Variants in EBF3 observed in about 807,000 individuals in gnomAD.
EBF3 encodes transcription factor COE3.
A neutral mutation model predicts 77.1 loss-of-function variants in EBF3; 18 were observed. The ratio of observed to expected loss-of-function variants is 0.23; its 90% CI spans 0.16 to 0.35. EBF3 has a LOEUF of 0.35. Ranked by LOEUF, EBF3 falls within the 10% of genes least tolerant of loss-of-function variation. The pLI is 1.00. For missense variants in EBF3, 558 were observed against 860.0 expected (o/e 0.65, Z 4.39); for synonymous variants, 350 against 343.5 (o/e 1.02, Z -0.21).
At position 129,848,227 on chromosome 10, in the gene EBF3, T is replaced by A. The variant is rs2133980610; in HGVS notation, c.1128+165A>T. On this transcript the variant is annotated intron_variant, in intron 11 of 16. Transcript: ENST00000440978. The surrounding 1 kb of genome is among the most constrained non-coding windows in gnomAD (Gnocchi z 4.4). ...ACCCTTCGCCCACCTCTGAAGCTGG[T>A]CAGGTGCGGGCCCGGGCAGCTCCTC... Among the ~76,000 whole-genome samples, 1 of 152,308 alleles carries A rather than the reference T, an allele frequency of 6.6e-6. No individual in the cohort carries two copies. Among genetic ancestry groups the A allele is most frequent in the Admixed American group, 6.5e-5 (1 of 15,296 alleles).
At chr10:129,843,394 T>C in intron 11 of EBF3, 192 bp from the exon 12 acceptor site, 1 of 541,044 alleles carries the variant, frequency 1.8e-6, no homozygotes, top group Non-Finnish European at 3.3e-6. Context: ...GTTTGTGGCC[T>C]TTACAAGGAG....
intron 6 of EBF3, among the ~76,000 whole-genome samples, chr10:129,896,277 A>C (rs1191659386): frequency 6.6e-6 from 1 of 152,248 alleles, no homozygotes; most frequent in East Asian, 1.9e-4. Context: ...AGGTGGCCTC[A>C]GTGGTCATAG....
intron 6 of EBF3, among the ~76,000 whole-genome samples, chr10:129,939,504 GGTTTTT>G (rs1857583364): frequency 6.6e-6 from 1 of 152,182 alleles, no homozygotes; most frequent in Admixed American, 6.5e-5. Context: ...AAAGACTTGG[GGTTTTT>G]GTTTTTGTTT....
intron 6 of EBF3, among the ~76,000 whole-genome samples, chr10:129,936,099 T>C (rs562370425): frequency 1.3e-5 from 2 of 152,310 alleles, no homozygotes; most frequent in South Asian, 2.1e-4. Flanking sequence ...AATTATTAAA[T>C]TATAGAATTA....
chr10:129,964,221 G>A lies in EBF3; in HGVS notation c.-453C>T. 1 of 984,894 alleles carries A rather than the reference G, an allele frequency of 1.0e-6. No individual in the cohort carries two copies. The highest frequency in any genetic ancestry group is 4.7e-5 in the South Asian group (1 of 21,292). 61.0% of individuals were successfully genotyped at this position (984,894 alleles called of 1,614,324 possible). A position where few individuals can be genotyped will look rare whatever the true frequency, so the allele number is the denominator to read the frequency against. On this transcript the variant is annotated 5_prime_UTR_variant, in exon 1 of 17. Coordinates refer to ENST00000440978, the MANE Select transcript of EBF3 (RefSeq NM_001375380.1). This position sits in a 1 kb window ranked among gnomAD's most constrained non-coding sequence, Gnocchi z 4.5. ...GGCGGGGCGCGGCGGGGCCTGGAGCGGCGCGCGCAGCGGACGGAGGCGCAC... is the reference window on the plus strand; with the variant it reads ...GGCGGGGCGCGGCGGGGCCTGGAGCAGCGCGCGCAGCGGACGGAGGCGCAC...
rs891916524 is a variant in EBF3, at chr10:129,964,032, CTTG to C, written c.-267_-265del. Reference sequence around the variant, plus strand: ...GCAGGACGCGGTGGCCGCGGCGGCGCTTGTTGTTGTTGTTGTTTGCAGGCGCGC... The same window carrying C: ...GCAGGACGCGGTGGCCGCGGCGGCGCTTGTTGTTGTTGTTTGCAGGCGCGC... On this transcript the variant is annotated 5_prime_UTR_variant, in exon 1 of 17. Transcript: ENST00000440978. The surrounding 1 kb of genome is among the most constrained non-coding windows in gnomAD (Gnocchi z 4.5). 5.7e-5 allele frequency: 56 copies of C among 984,768 alleles called. No individual in the cohort carries two copies. The highest frequency in any genetic ancestry group is 2.1e-4 in the African/African-American group (12 of 57,200). The allele number at this position is 984,768 out of a possible 1,614,324, so 61.0% of individuals were successfully genotyped here.
rs75074888 is a variant in EBF3, at chr10:129,963,429, T to G, written c.229A>C (p.Arg77=). The change falls in exon 2 of 17, where the codon AGG becomes CGG. Residue 77 remains arginine (R), a synonymous_variant. Coordinates refer to ENST00000440978, the MANE Select transcript of EBF3 (RefSeq NM_001375380.1). This position sits in a 1 kb window ranked among gnomAD's most constrained non-coding sequence, Gnocchi z 7.1. The part of the protein sequence containing the change: ...FFHFVLALYD[R]QGQPVEIERT... ...TCAATCTCCACCGGCTGCCCCTGCC[T>G]ATCGTAGAGCGCCAGCACGAAGTGG... 0.036 allele frequency: 57,776 copies of G among 1,591,578 alleles called. 2,494 individuals carry two copies. The highest frequency in any genetic ancestry group is 0.14 in the South Asian group (12,788 of 88,510).
chr10:129,904,471 T>C (rs140650761), intron 6 of EBF3, among the ~76,000 whole-genome samples: 131 of 151,718 alleles, frequency 8.6e-4, no homozygotes, highest in Middle Eastern at 3.4e-3. Flanking sequence ...GACAGACAAA[T>C]GGAAGATAGA....
intron 6 of EBF3, among the ~76,000 whole-genome samples, chr10:129,915,584 T>C (rs961896231): frequency 1.2e-4 from 19 of 152,096 alleles, no homozygotes; most frequent in African/African-American, 4.3e-4. Context: ...AAGTTTGTTG[T>C]AACGAGCGAC....
chr10:129,945,080 GGAAGA>G (rs1858080692), intron 6 of EBF3, among the ~76,000 whole-genome samples: 8 of 60,854 alleles, frequency 1.3e-4, no homozygotes, highest in Non-Finnish European at 2.3e-4. Flanking sequence ...GGAGGGGAGG[GGAAGA>G]GAGGAGAAGG....
chr10:129,839,461 A>G (rs1849848271), intron 15 of EBF3, among the ~76,000 whole-genome samples: 1 of 152,244 alleles, frequency 6.6e-6, no homozygotes, highest in Non-Finnish European at 1.5e-5. Context: ...CAGATGGGCC[A>G]GGCGCTGGGC....
chr10:129,844,858 A>G (rs1850343591), intron 11 of EBF3, among the ~76,000 whole-genome samples: 1 of 152,228 alleles, frequency 6.6e-6, no homozygotes, highest in Non-Finnish European at 1.5e-5. Flanking sequence ...GCTCTCTGTG[A>G]GCAAGATAAA....
chr10:129,930,656 C>T (rs1162803981), intron 6 of EBF3, among the ~76,000 whole-genome samples: 1 of 149,072 alleles, frequency 6.7e-6, no homozygotes, highest in Non-Finnish European at 1.5e-5. Flanking sequence ...ATCCCCCTCT[C>T]ATATATCTAT....
At chr10:129,843,500 G>A (rs1038880968) in intron 11 of EBF3, 2 of 347,662 alleles carry the variant, frequency 5.8e-6, no homozygotes, top group East Asian at 4.6e-5. Context: ...AGCCCAATCC[G>A]TGCCTGAGGT....
chr10:129,885,458 C>T lies in EBF3; in HGVS notation c.555-7609G>A, dbSNP rs1008958650. 1.8e-4 allele frequency among the ~76,000 whole-genome samples: 28 copies of T among 152,140 alleles called. No individual in the cohort carries two copies. The highest frequency in any genetic ancestry group is 5.9e-4 in the Admixed American group (9 of 15,270). Reference sequence around the variant, plus strand: ...TAGTTAGTATTTTCTGCAACTGCTCCGGATATTTCATGATAGTTTTGATAA... The same window carrying T: ...TAGTTAGTATTTTCTGCAACTGCTCTGGATATTTCATGATAGTTTTGATAA... On this transcript the variant is annotated intron_variant, in intron 6 of 16. Coordinates refer to ENST00000440978, the MANE Select transcript of EBF3 (RefSeq NM_001375380.1). The surrounding 1 kb of genome is among the most constrained non-coding windows in gnomAD (Gnocchi z 4.0).
chr10:129,902,365 C>CT (rs1854852367), intron 6 of EBF3, among the ~76,000 whole-genome samples: 1 of 151,916 alleles, frequency 6.6e-6, no homozygotes, highest in Non-Finnish European at 1.5e-5. Context: ...GTGAGCCCAT[C>CT]TTCTTCAAGG....
At chr10:129,950,649 A>G (rs1200526276) in intron 6 of EBF3, among the ~76,000 whole-genome samples, 1 of 152,252 alleles carries the variant, frequency 6.6e-6, no homozygotes, top group African/African-American at 2.4e-5. Flanking sequence ...ACAACAAAAA[A>G]AAACCCCTTA....
chr10:129,904,683 T>G (rs866201328), intron 6 of EBF3, among the ~76,000 whole-genome samples: 1 of 152,176 alleles, frequency 6.6e-6, no homozygotes. Context: ...TGGATAGAAC[T>G]ATATAATACA....
rs1859745810 is a variant in EBF3 at position 129,964,032 on chromosome 10, C to T, written c.-264G>A. The T allele has an allele frequency of 4.1e-6, 4 of 984,852 alleles. No individual in the cohort carries two copies. The highest frequency in any genetic ancestry group is 4.8e-6 in the Non-Finnish European group (4 of 829,754). The allele number at this position is 984,852 out of a possible 1,614,324, so 61.0% of individuals were successfully genotyped here. ...GCAGGACGCGGTGGCCGCGGCGGCG[C>T]TTGTTGTTGTTGTTGTTTGCAGGCG... On this transcript the variant is annotated 5_prime_UTR_variant, in exon 1 of 17. Transcript: ENST00000440978. This position sits in a 1 kb window ranked among gnomAD's most constrained non-coding sequence, Gnocchi z 4.5.
Sources: allele counts gnomAD v4.1 joint callset (sites outside exome capture counted in the v4.1 genomes callset), GRCh38; gene constraint gnomAD v4.1.1; non-coding constraint Gnocchi (gnomAD v3.1); transcripts MANE v1.5; gene names NCBI Gene and HGNC (gene_info 2026-07-23, HGNC 2026-07-21).